Variants in MTHFD1L observed in about 807,000 individuals in gnomAD.
MTHFD1L encodes the protein monofunctional C1-tetrahydrofolate synthase, mitochondrial.
Under a neutral mutation model 119.5 loss-of-function variants are expected in MTHFD1L, and 81 were observed. The observed-to-expected ratio is 0.68, with a 90% CI of 0.57 to 0.82. MTHFD1L has a LOEUF of 0.82. Ranked by LOEUF, MTHFD1L falls within the 40% of genes least tolerant of loss-of-function variation. The pLI, the probability that MTHFD1L is intolerant of heterozygous loss-of-function variation, is 0.00. For missense variants in MTHFD1L, 1,125 were observed against 1,253.4 expected, an observed-to-expected ratio of 0.90 and a Z score of 1.55; for synonymous variants, 430 against 475.2, an observed-to-expected ratio of 0.90 and a Z score of 1.24.
intron 20 of MTHFD1L, among the ~76,000 whole-genome samples, chr6:150,974,897 C>A (rs181238907): frequency 4.6e-5 from 7 of 152,062 alleles, no homozygotes; most frequent in African/African-American, 1.7e-4. Context: ...CCACCACGCC[C>A]AGCTAATTTT....
chr6:150,880,170 T>C (rs1367197201), intron 4 of MTHFD1L, among the ~76,000 whole-genome samples: 4 of 152,192 alleles, frequency 2.6e-5, no homozygotes, highest in Non-Finnish European at 5.9e-5. Flanking sequence ...CTTTAGTCAC[T>C]CTACTATGTA....
In MTHFD1L at chr6:150,868,678, T is replaced by C. The variant is rs9371200; in HGVS notation, c.227+2629T>C. Among the ~76,000 whole-genome samples, 405 of 152,304 alleles carry C rather than the reference T, an allele frequency of 2.7e-3. 9 individuals carry two copies. The East Asian group carries it at 0.063, about 24-fold the overall frequency. ...CTAAGCCAGGGGTCCACAGACGTTT[T>C]ATATATAATGGGCCAGATAGTAAAT... On this transcript the variant is annotated intron_variant, in intron 1 of 27. Transcript: ENST00000367321.
chr6:150,942,029 C>A (rs993345920), intron 13 of MTHFD1L, among the ~76,000 whole-genome samples: 2 of 152,128 alleles, frequency 1.3e-5, no homozygotes, highest in African/African-American at 2.4e-5. Flanking sequence ...GAGGCTGAGG[C>A]GAGTGGATCA....
intron 20 of MTHFD1L, among the ~76,000 whole-genome samples, chr6:150,982,125 A>G (rs1777594052): frequency 6.6e-6 from 1 of 151,542 alleles, no homozygotes. Flanking sequence ...GGAGAGGGGG[A>G]GAGAGAGAGA....
At chr6:151,069,980 A>C (rs373007620) in intron 26 of MTHFD1L, among the ~76,000 whole-genome samples, 1 of 151,788 alleles carries the variant, frequency 6.6e-6, no homozygotes, top group East Asian at 1.9e-4. Context: ...ACCTGTGTTG[A>C]CTCTTCATCG....
At chr6:150,866,425 G>GGGGGCGAGGAGCAGGAGGAGGGC in intron 1 of MTHFD1L, 1 of 1,353,164 alleles carries the variant, frequency 7.4e-7, no homozygotes, top group Non-Finnish European at 9.5e-7. Flanking sequence ...AACCAGGGGA[G>GGGGGCGAGGAGCAGGAGGAGGGC]GGGGCGAGGA....
In MTHFD1L at chr6:151,100,021, T is replaced by TA. The variant is rs1423505761; in HGVS notation, c.*32-1505_*32-1504insA. 2.4e-3 allele frequency: 1,643 copies of TA among 680,556 alleles called. 29 individuals are homozygous for TA. In the East Asian group the frequency reaches 0.039, roughly 16 times the overall value. 42.2% of individuals were successfully genotyped at this position (680,556 alleles called of 1,614,324 possible). On this transcript the variant is annotated intron_variant, in intron 27 of 27. Transcript: ENST00000367321. ...TAAAAAAAAAGAAAAGAAAGAAATA[T>TA]TTTCTTTCTTTTCTTTTTTTTTTTT...
At chr6:151,083,884 C>T (rs1793471054) in intron 26 of MTHFD1L, among the ~76,000 whole-genome samples, 1 of 152,140 alleles carries the variant, frequency 6.6e-6, no homozygotes, top group African/African-American at 2.4e-5. Context: ...GGAAATCTCT[C>T]ATTTTTCTAA....
intron 22 of MTHFD1L, among the ~76,000 whole-genome samples, chr6:151,014,480 A>G (rs1028248005): frequency 6.6e-6 from 1 of 152,190 alleles, no homozygotes; most frequent in Non-Finnish European, 1.5e-5. Flanking sequence ...TCTTTTCTGT[A>G]AATAGACTTT....
At chr6:150,880,234 T>C (rs920766829) in intron 4 of MTHFD1L, among the ~76,000 whole-genome samples, 3 of 152,192 alleles carry the variant, frequency 2.0e-5, no homozygotes, top group Non-Finnish European at 4.4e-5. Context: ...TACCTACTGA[T>C]GGACCAACCT....
At chr6:151,005,882 T>C (rs947553534) in intron 20 of MTHFD1L, among the ~76,000 whole-genome samples, 1 of 152,170 alleles carries the variant, frequency 6.6e-6, no homozygotes, top group South Asian at 2.1e-4. Context: ...TGCCTTTCAG[T>C]AAAACCATTG....
intron 16 of MTHFD1L, among the ~76,000 whole-genome samples, chr6:150,951,101 A>G (rs1650258728): frequency 6.7e-6 from 1 of 149,258 alleles, no homozygotes; most frequent in Non-Finnish European, 1.5e-5. Flanking sequence ...CAGTAGTGCA[A>G]TCTCCACTCA....
intron 19 of MTHFD1L, among the ~76,000 whole-genome samples, chr6:150,967,162 G>T (rs1214817917): frequency 6.6e-6 from 1 of 152,182 alleles, no homozygotes; most frequent in Non-Finnish European, 1.5e-5. Context: ...GTCTGTCACT[G>T]GGGTCTCCAT....
chr6:150,941,334 G>A (rs1183333368), intron 13 of MTHFD1L, among the ~76,000 whole-genome samples: 2 of 152,204 alleles, frequency 1.3e-5, no homozygotes, highest in Admixed American at 6.5e-5. Flanking sequence ...CGCCAGCTCT[G>A]TCGAGCGATT....
rs1465688691 is a variant in MTHFD1L, at chr6:150,897,000, T to C, written c.781-8650T>C. Among the ~76,000 whole-genome samples the C allele has an allele frequency of 2.6e-5, 4 of 151,376 alleles. No homozygotes were observed. The East Asian group carries it at 7.8e-4, about 29-fold the overall frequency. On this transcript the variant is annotated intron_variant, in intron 7 of 27. Transcript: ENST00000367321. ...GGTGTGGTGGCAGGCACCTGAAGTC[T>C]CTGCTACTCGGGAGGCTGAGGCAGA...
At chr6:151,068,487 C>T (rs1428653984) in intron 26 of MTHFD1L, among the ~76,000 whole-genome samples, 1 of 152,200 alleles carries the variant, frequency 6.6e-6, no homozygotes, top group Non-Finnish European at 1.5e-5. Context: ...GGGTCAGATT[C>T]TGCTTGAACC....
chr6:151,038,607 T>C (rs1786573208), intron 26 of MTHFD1L, among the ~76,000 whole-genome samples: 1 of 152,116 alleles, frequency 6.6e-6, no homozygotes, highest in Admixed American at 6.6e-5. Context: ...AGGAGAAGAA[T>C]GTGGTCTGAT....
At chr6:151,014,536 G>A (rs1001194865) in intron 22 of MTHFD1L, among the ~76,000 whole-genome samples, 1 of 152,168 alleles carries the variant, frequency 6.6e-6, no homozygotes, top group East Asian at 1.9e-4. Flanking sequence ...GTGGCGCCAG[G>A]GATCTGAGCC....
Position 151,009,848 on chromosome 6 carries a change from G to A in MTHFD1L, c.2155G>A (p.Gly719Arg), listed in dbSNP as rs753696678. 14 of 1,613,662 alleles carry A rather than the reference G, an allele frequency of 8.7e-6. No homozygotes were observed. Among genetic ancestry groups the A allele is most frequent in the Middle Eastern group, 3.3e-4 (2 of 6,070 alleles). ...VTEAGFGADI[G>R]MEKFFNIKCR... Reference sequence around the variant, plus strand: ...CGAAGCTGGCTTTGGTGCTGACATCGGAATGGAGAAATTCTTCAACATCAA... The same window carrying A: ...CGAAGCTGGCTTTGGTGCTGACATCAGAATGGAGAAATTCTTCAACATCAA... The change falls in exon 21 of 28, where the codon GGA (glycine) becomes AGA (arginine). Residue 719 changes from glycine to arginine, a missense_variant. Transcript: ENST00000367321.
Sources: allele counts gnomAD v4.1 joint callset (sites outside exome capture counted in the v4.1 genomes callset), GRCh38; gene constraint gnomAD v4.1.1; transcripts MANE v1.5; gene names NCBI Gene and HGNC (gene_info 2026-07-23, HGNC 2026-07-21).